Variants in MYO1D observed in about 807,000 individuals in gnomAD.
MYO1D encodes the protein unconventional myosin-Id.
MYO1D carries 83 observed loss-of-function variants against 122.0 expected under a neutral mutation model. The observed-to-expected ratio is 0.68, with a 90% confidence interval of 0.57 to 0.82. The LOEUF is 0.82. Among genes scored for constraint, MYO1D ranks in the 40% least tolerant of loss-of-function variants. MYO1D has a pLI of 0.00. For missense variants in MYO1D, 1,157 were observed against 1,269.5 expected (o/e 0.91, Z 1.35); for synonymous variants, 464 against 446.9 (o/e 1.04, Z -0.48).
chr17:32,825,588 C>T (rs956158638), intron 1 of MYO1D, among the ~76,000 whole-genome samples: 7 of 152,194 alleles, frequency 4.6e-5, no homozygotes, highest in Admixed American at 3.3e-4. Flanking sequence ...CCACTGCACC[C>T]GGCCCAATTT....
chr17:32,510,676 A>C (rs1051698148), intron 21 of MYO1D: 2 of 152,228 alleles, frequency 1.3e-5, no homozygotes, highest in Non-Finnish European at 2.9e-5. Context: ...TGGGCCAGGC[A>C]GGGACTCGGT....
chr17:32,866,432 C>T (rs1163002582), intron 1 of MYO1D, among the ~76,000 whole-genome samples: 4 of 152,194 alleles, frequency 2.6e-5, no homozygotes, highest in African/African-American at 9.7e-5. Flanking sequence ...CTACCTGCTG[C>T]CCGTCCCTTC....
intron 16 of MYO1D, among the ~76,000 whole-genome samples, chr17:32,698,008 C>T (rs2089195747): frequency 6.6e-6 from 1 of 152,050 alleles, no homozygotes; most frequent in Non-Finnish European, 1.5e-5. Flanking sequence ...GGAAGCAGGC[C>T]TCTTAGGTTC....
At chr17:32,692,766 C>CT (rs920251432) in intron 16 of MYO1D, among the ~76,000 whole-genome samples, 4 of 152,174 alleles carry the variant, frequency 2.6e-5, no homozygotes, top group African/African-American at 9.7e-5. Context: ...AGGATGGTTC[C>CT]TGGACTTACA....
At chr17:32,869,312 G>A (rs988050861) in intron 1 of MYO1D, among the ~76,000 whole-genome samples, 1 of 152,136 alleles carries the variant, frequency 6.6e-6, no homozygotes, top group African/African-American at 2.4e-5. Flanking sequence ...CCAAATCAAG[G>A]CATCTAATAA....
chr17:32,789,635 G>A (rs2090330903), intron 1 of MYO1D, among the ~76,000 whole-genome samples: 1 of 152,148 alleles, frequency 6.6e-6, no homozygotes, highest in African/African-American at 2.4e-5. Flanking sequence ...TTTTGCAGGT[G>A]AAATCAAGTT....
chr17:32,497,298 AACAAACCAATGAGCCT>A (rs1226843516), intron 21 of MYO1D, among the ~76,000 whole-genome samples: 1 of 152,058 alleles, frequency 6.6e-6, no homozygotes, highest in African/African-American at 2.4e-5. Flanking sequence ...AAAATAAAAA[AACAAACCAATGAGCCT>A]GGTGTGGTGG....
At chr17:32,728,584 A>C (rs1401484326) in intron 14 of MYO1D, among the ~76,000 whole-genome samples, 3 of 152,224 alleles carry the variant, frequency 2.0e-5, no homozygotes, top group Non-Finnish European at 2.9e-5. Flanking sequence ...AACCACACAG[A>C]GTATGTCTTT....
intron 2 of MYO1D, among the ~76,000 whole-genome samples, chr17:32,779,234 C>T (rs2090211285): frequency 6.6e-6 from 1 of 151,886 alleles, no homozygotes; most frequent in South Asian, 2.1e-4. Context: ...ACTAACATAA[C>T]CAAATAATAA....
At chr17:32,749,549 G>A (rs1164311771) in intron 11 of MYO1D, among the ~76,000 whole-genome samples, 1 of 152,046 alleles carries the variant, frequency 6.6e-6, no homozygotes, top group Non-Finnish European at 1.5e-5. Context: ...TGGGCAACAT[G>A]GTGAAACCCC....
At chr17:32,613,739 A>C (rs2087733998) in intron 20 of MYO1D, among the ~76,000 whole-genome samples, 1 of 131,568 alleles carries the variant, frequency 7.6e-6, no homozygotes. Flanking sequence ...GTGCCACTGC[A>C]CTCCAGCACT....
intron 21 of MYO1D, among the ~76,000 whole-genome samples, chr17:32,507,568 T>C (rs1262388514): frequency 6.6e-6 from 1 of 152,232 alleles, no homozygotes. Context: ...AGAAACCATC[T>C]TCTGTGTCTA....
At chr17:32,512,303 T>C (rs1214027714) in intron 21 of MYO1D, among the ~76,000 whole-genome samples, 1 of 118,502 alleles carries the variant, frequency 8.4e-6, no homozygotes, top group Non-Finnish European at 1.9e-5. Context: ...TCTTATCTCA[T>C]AAAAAAAAAA....
chr17:32,732,954 T>C (rs780310395), intron 14 of MYO1D, among the ~76,000 whole-genome samples: 6 of 152,236 alleles, frequency 3.9e-5, no homozygotes, highest in Non-Finnish European at 8.8e-5. Flanking sequence ...CCATGGAAGC[T>C]GCTTGCAGTA....
At chr17:32,790,156 T>A (rs1259082474) in intron 1 of MYO1D, among the ~76,000 whole-genome samples, 1 of 152,222 alleles carries the variant, frequency 6.6e-6, no homozygotes, top group Non-Finnish European at 1.5e-5. Context: ...TCATCTTAAC[T>A]GATCTGCTCA....
chr17:32,776,170 A>G (rs1242638816), intron 3 of MYO1D, 141 bp from the exon 4 acceptor site: 2 of 711,600 alleles, frequency 2.8e-6, no homozygotes, highest in Non-Finnish European at 4.4e-6. Context: ...AAAAAAAAAC[A>G]AACAAATTAA....
In MYO1D at chr17:32,689,669, A is replaced by T. The variant is rs531158816; in HGVS notation, c.2121+22319T>A. Among the ~76,000 whole-genome samples the T allele has an allele frequency of 1.5e-3, 225 of 152,288 alleles. 3 individuals carry two copies. The highest frequency in any genetic ancestry group is 5.3e-3 in the African/African-American group (219 of 41,570). On this transcript the variant is annotated intron_variant, in intron 16 of 21. Transcript: ENST00000318217. ...TATTTTCACTTAACATTTATGAAGA[A>T]CACTCTTCATTTTGTTAAAATATCG... is the stretch of plus-strand genomic sequence containing the variant.
intron 1 of MYO1D, among the ~76,000 whole-genome samples, chr17:32,822,561 C>T (rs77435452): frequency 7.0e-5 from 9 of 129,414 alleles, no homozygotes; most frequent in African/African-American, 2.5e-4. Flanking sequence ...CGGGACGGGG[C>T]CCGGGGAGCG....
chr17:32,543,643 C>T (rs1910922436), intron 21 of MYO1D, among the ~76,000 whole-genome samples: 1 of 152,074 alleles, frequency 6.6e-6, no homozygotes, highest in Admixed American at 6.6e-5. Context: ...AATGTGAGGG[C>T]TGCCATGCTG....
Sources: allele counts gnomAD v4.1 joint callset (sites outside exome capture counted in the v4.1 genomes callset), GRCh38; gene constraint gnomAD v4.1.1; transcripts MANE v1.5; gene names NCBI Gene and HGNC (gene_info 2026-07-23, HGNC 2026-07-21).